The following PVT1 variants were observed in gnomAD, a reference collection of about 807,000 sequenced individuals.
PVT1 encodes Pvt1 oncogene.
chr8:127,846,742 G>T (rs1190513104), intron 2 of PVT1, among the ~76,000 whole-genome samples: 2 of 151,976 alleles, frequency 1.3e-5, no homozygotes, highest in Non-Finnish European at 2.9e-5. Context: ...CGCAATCTCG[G>T]CTCACTGCAA....
At position 128,094,729 on chromosome 8, in the gene PVT1, G is replaced by T. The variant is rs528917605; in HGVS notation, n.1115-1789G>T. On this transcript the variant is annotated intron_variant and non_coding_transcript_variant, in intron 5 of 10. Coordinates refer to ENST00000651587, the Ensembl canonical transcript of PVT1. Reference sequence around the variant, plus strand: ...CCTGTCTTCATTCCCTTTCACAGAGGGCTCTTTTATTTCAGGGTCCAAGCC... The same window carrying T: ...CCTGTCTTCATTCCCTTTCACAGAGTGCTCTTTTATTTCAGGGTCCAAGCC... Among the ~76,000 whole-genome samples, 30 of 152,258 alleles carry T rather than the reference G, an allele frequency of 2.0e-4. No homozygotes were observed. In the Middle Eastern group the frequency reaches 0.01, roughly 52 times the overall value.
chr8:128,079,967 G>C (rs575860687), intron 5 of PVT1, among the ~76,000 whole-genome samples: 4 of 152,140 alleles, frequency 2.6e-5, no homozygotes, highest in African/African-American at 7.2e-5. Flanking sequence ...CTCGTAATCC[G>C]CCCGCCTCGG....
At chr8:127,915,777 G>C (rs551804967) in intron 3 of PVT1, among the ~76,000 whole-genome samples, 11 of 152,246 alleles carry the variant, frequency 7.2e-5, no homozygotes, top group Non-Finnish European at 1.5e-4. Context: ...GGATTGGTCT[G>C]ACTCTAGAAT....
At chr8:128,013,847 T>G (rs1817342089) in intron 4 of PVT1, among the ~76,000 whole-genome samples, 1 of 152,212 alleles carries the variant, frequency 6.6e-6, no homozygotes, top group Non-Finnish European at 1.5e-5. Context: ...AATGAATGAA[T>G]CACGCTGGAC....
intron 2 of PVT1, among the ~76,000 whole-genome samples, chr8:127,830,594 C>T (rs1814838085): frequency 6.6e-6 from 1 of 151,934 alleles, no homozygotes; most frequent in Non-Finnish European, 1.5e-5. Context: ...AGAATGACTC[C>T]TACGAGTCAG....
intron 5 of PVT1, among the ~76,000 whole-genome samples, chr8:128,089,908 GA>G (rs1243374752): frequency 6.6e-6 from 1 of 152,186 alleles, no homozygotes; most frequent in Non-Finnish European, 1.5e-5. Flanking sequence ...CTAGGATCAG[GA>G]ATGCTTGGAA....
At chr8:127,981,055 C>T (rs975737199) in intron 3 of PVT1, among the ~76,000 whole-genome samples, 3 of 152,296 alleles carry the variant, frequency 2.0e-5, no homozygotes, top group African/African-American at 7.2e-5. Flanking sequence ...CTTGTCCTCT[C>T]AAAGTGCTGG....
chr8:127,819,696 G>A (rs1814708558), intron 2 of PVT1, among the ~76,000 whole-genome samples: 1 of 152,178 alleles, frequency 6.6e-6, no homozygotes, highest in South Asian at 2.1e-4. Flanking sequence ...TCACAGCAGA[G>A]CAGTTGGGGA....
At chr8:128,070,862 C>T (rs1448585849) in intron 5 of PVT1, among the ~76,000 whole-genome samples, 3 of 152,154 alleles carry the variant, frequency 2.0e-5, no homozygotes, top group African/African-American at 7.2e-5. Context: ...TCTCCCTTGT[C>T]CCTGAATAGA....
At chr8:127,808,914 G>A (rs1036102506) in intron 2 of PVT1, among the ~76,000 whole-genome samples, 3 of 150,760 alleles carry the variant, frequency 2.0e-5, no homozygotes, top group East Asian at 3.9e-4. Context: ...CCTGTAATCC[G>A]AGCTACTTGG....
intron 3 of PVT1, among the ~76,000 whole-genome samples, chr8:127,912,301 G>A (rs549729580): frequency 1.3e-5 from 2 of 152,218 alleles, no homozygotes; most frequent in South Asian, 2.1e-4. Flanking sequence ...TGATTTCTAC[G>A]TGTTGACTCA....
chr8:127,867,540 AC>A (rs1815298501), intron 2 of PVT1, among the ~76,000 whole-genome samples: 2 of 151,982 alleles, frequency 1.3e-5, no homozygotes, highest in African/African-American at 4.8e-5. Context: ...ACCAGCACTT[AC>A]TCCCTGCTTT....
At chr8:127,936,522 A>G (rs73357100) in intron 3 of PVT1, among the ~76,000 whole-genome samples, 3,554 of 152,168 alleles carry the variant, frequency 0.023, 134 homozygotes, top group African/African-American at 0.081. Context: ...GGCCGCCCCA[A>G]TGCTGGTCTG....
At chr8:128,079,004 CT>C (rs200203311) in intron 5 of PVT1, among the ~76,000 whole-genome samples, 31,383 of 127,858 alleles carry the variant, frequency 0.25, 3,608 homozygotes, top group East Asian at 0.47. Flanking sequence ...CTTTTCTTTT[CT>C]TTTTTTTTTT....
chr8:127,913,464 C>T (rs967169078), intron 3 of PVT1, among the ~76,000 whole-genome samples: 27 of 152,156 alleles, frequency 1.8e-4, no homozygotes, highest in African/African-American at 6.3e-4. Flanking sequence ...TGTGATGAGT[C>T]CCTTTCTCTC....
intron 2 of PVT1, among the ~76,000 whole-genome samples, chr8:127,870,746 TG>T (rs1355161765): frequency 6.6e-6 from 1 of 152,244 alleles, no homozygotes; most frequent in Non-Finnish European, 1.5e-5. Flanking sequence ...CTTGGGCAGA[TG>T]GCTTAACATT....
At chr8:128,006,145 T>TAATAAAAAA (rs200339899) in intron 4 of PVT1, among the ~76,000 whole-genome samples, 40 of 134,384 alleles carry the variant, frequency 3.0e-4, no homozygotes, top group Non-Finnish European at 4.3e-4. Context: ...ATAATAATAA[T>TAATAAAAAA]AATAAAAAGA....
chr8:127,943,269 A>G (rs776168192), intron 3 of PVT1, among the ~76,000 whole-genome samples: 2 of 152,230 alleles, frequency 1.3e-5, no homozygotes, highest in African/African-American at 2.4e-5. Flanking sequence ...AAGTGATCTT[A>G]GCACCATTTC....
chr8:128,031,010 A>G (rs892490888), intron 4 of PVT1, among the ~76,000 whole-genome samples: 7 of 152,116 alleles, frequency 4.6e-5, no homozygotes, highest in African/African-American at 1.4e-4. Flanking sequence ...TTTCACACCA[A>G]AGTTCTCCCA....
Sources: allele counts gnomAD v4.1 joint callset (sites outside exome capture counted in the v4.1 genomes callset), GRCh38; gene constraint gnomAD v4.1.1; transcripts MANE v1.5; gene names NCBI Gene and HGNC (gene_info 2026-07-23, HGNC 2026-07-21).